Variants in MYLK observed in about 807,000 individuals in gnomAD.
MYLK encodes the protein myosin light chain kinase, also known as myosin light chain kinase, smooth muscle.
A neutral mutation model predicts 203.4 loss-of-function variants in MYLK; 106 were observed. That is an observed-to-expected ratio of 0.52 (90% CI 0.45 to 0.61). The LOEUF (loss-of-function observed/expected upper bound fraction) is 0.61. MYLK is among the 20% of genes least tolerant of loss of function. The probability of loss-of-function intolerance (pLI) is 0.00; values close to 1 mark genes in which losing one functional copy is unlikely to be tolerated. For missense variants in MYLK, 2,072 were observed against 2,442.3 expected, an observed-to-expected ratio of 0.85 and a Z score of 3.20; for synonymous variants, 867 against 959.5, an observed-to-expected ratio of 0.90 and a Z score of 1.78.
intron 4 of MYLK, among the ~76,000 whole-genome samples, chr3:123,773,720 C>T (rs1300725118): frequency 6.6e-6 from 1 of 152,206 alleles, no homozygotes; most frequent in Non-Finnish European, 1.5e-5. Flanking sequence ...GTGCTTTGAA[C>T]AGTATCCTCA....
intron 7 of MYLK, among the ~76,000 whole-genome samples, chr3:123,738,536 A>G (rs1576799006): frequency 6.6e-6 from 1 of 152,286 alleles, no homozygotes; most frequent in Admixed American, 6.5e-5. Context: ...CCCAAATCTC[A>G]TCTTGAAATG....
At position 123,626,833 on chromosome 3, in the gene MYLK, T is replaced by C. The variant is rs537718080; in HGVS notation, c.5223A>G (p.Ala1741=). ...LSKDRMKKYM[A]RRKWQKTGNA... ...CTCTCATTACCTGCCATTTCCTTCT[T>C]GCCATGTACTTCTTCATCCGGTCCT... The change falls in exon 31 of 34, where the codon GCA becomes GCG. Residue 1741 remains alanine (A), a synonymous_variant. Transcript: ENST00000360304. The C allele has an allele frequency of 6.2e-7, 1 of 1,614,232 alleles. No individual in the cohort carries two copies. Among genetic ancestry groups the C allele is most frequent in the East Asian group, 2.2e-5 (1 of 44,890 alleles).
At chr3:123,694,639 T>C (rs2060832942) in intron 18 of MYLK, among the ~76,000 whole-genome samples, 1 of 152,180 alleles carries the variant, frequency 6.6e-6, no homozygotes, top group Non-Finnish European at 1.5e-5. Flanking sequence ...TTTCAGTCCC[T>C]CAGCTGCCTT....
chr3:123,708,304 A>C (rs1174267833), intron 15 of MYLK, among the ~76,000 whole-genome samples: 7 of 152,216 alleles, frequency 4.6e-5, no homozygotes, highest in African/African-American at 1.4e-4. Flanking sequence ...TGTGATTAAG[A>C]GTTGTCACTC....
At chr3:123,718,062 G>A (rs909966105) in intron 13 of MYLK, among the ~76,000 whole-genome samples, 62 of 152,010 alleles carry the variant, frequency 4.1e-4, no homozygotes, top group East Asian at 1.6e-3. Flanking sequence ...GTGTGTTGCC[G>A]TGTTGCCCAA....
At chr3:123,761,469 A>G (rs2063531799) in intron 4 of MYLK, among the ~76,000 whole-genome samples, 2 of 152,176 alleles carry the variant, frequency 1.3e-5, no homozygotes. Flanking sequence ...CTATGAAAGC[A>G]GGATCTTTTA....
At chr3:123,836,711 G>C (rs1478137945) in intron 2 of MYLK, among the ~76,000 whole-genome samples, 1 of 152,128 alleles carries the variant, frequency 6.6e-6, no homozygotes, top group Non-Finnish European at 1.5e-5. Flanking sequence ...AACAGAAGGA[G>C]GTAATATGGA....
chr3:123,786,343 A>G (rs1424083864), intron 4 of MYLK, among the ~76,000 whole-genome samples: 3 of 151,648 alleles, frequency 2.0e-5, no homozygotes, highest in Non-Finnish European at 4.4e-5. Flanking sequence ...TGAGTCTCAT[A>G]TATATATAAA....
intron 2 of MYLK, among the ~76,000 whole-genome samples, chr3:123,850,841 T>C (rs915028802): frequency 2.3e-4 from 35 of 152,218 alleles, no homozygotes; most frequent in African/African-American, 8.0e-4. Flanking sequence ...CTGAATGGTA[T>C]TGCCTAGGTT....
chr3:123,781,689 C>T (rs932100407), intron 4 of MYLK, among the ~76,000 whole-genome samples: 6 of 152,048 alleles, frequency 3.9e-5, no homozygotes, highest in South Asian at 2.1e-4. Flanking sequence ...ATGGGAGCAA[C>T]GGTCAAGATG....
chr3:123,641,962 C>G (rs2058853543), intron 27 of MYLK, among the ~76,000 whole-genome samples: 1 of 151,414 alleles, frequency 6.6e-6, no homozygotes, highest in Non-Finnish European at 1.5e-5. Flanking sequence ...TCAAGCGATC[C>G]TCTTGCCTCA....
At chr3:123,733,204 T>G in intron 10 of MYLK, 102 bp from the exon 11 acceptor site, 1 of 1,321,862 alleles carries the variant, frequency 7.6e-7, no homozygotes, top group Admixed American at 2.0e-5. Flanking sequence ...AGGGCTCAGT[T>G]TGGTGTGGAG....
At position 123,719,759 on chromosome 3, in the gene MYLK, C is replaced by T. The variant is rs575818533; in HGVS notation, c.1804+2369G>A. Among the ~76,000 whole-genome samples, 9 of 152,348 alleles carry T rather than the reference C, an allele frequency of 5.9e-5. No homozygotes were observed. The East Asian group carries it at 1.7e-3, about 29-fold the overall frequency. On this transcript the variant is annotated intron_variant, in intron 13 of 33. Coordinates refer to ENST00000360304, the MANE Select transcript of MYLK (RefSeq NM_053025.4). ...CACTAAGGGCAAGAGAGGGCTGGAC[C>T]TGGACAGCTAAGGGAGGGGTGAAGC...
chr3:123,674,913 A>G (rs2060025499), intron 20 of MYLK, among the ~76,000 whole-genome samples: 1 of 152,252 alleles, frequency 6.6e-6, no homozygotes, highest in Non-Finnish European at 1.5e-5. Context: ...TGTCCCCAAC[A>G]TGGACACACC....
rs1283457393 is a variant in MYLK at position 123,733,757 on chromosome 3, G to A, written c.1239C>T (p.Phe413=). The A allele has an allele frequency of 1.2e-6, 2 of 1,614,198 alleles. No homozygotes were observed. The highest frequency in any genetic ancestry group is 1.7e-6 in the Non-Finnish European group (2 of 1,180,050). Residue 413 remains phenylalanine (F), a synonymous_variant, in exon 10 of 34, where the codon TTC becomes TTT. Coordinates refer to ENST00000360304, the MANE Select transcript of MYLK (RefSeq NM_053025.4). The part of the protein sequence containing the change: ...IPMEGQRDSA[F]PKFESKPQSQ... ...TTTGGGGCTTGCTCTCAAATTTGGGGAATGCTGAATCCCTCTGGCCCTCCA... is the reference window on the plus strand; with the variant it reads ...TTTGGGGCTTGCTCTCAAATTTGGGAAATGCTGAATCCCTCTGGCCCTCCA...
chr3:123,687,295 A>C (rs368068164), intron 19 of MYLK, among the ~76,000 whole-genome samples: 11 of 152,284 alleles, frequency 7.2e-5, no homozygotes, highest in Admixed American at 5.2e-4. Flanking sequence ...CCAAGAAAGG[A>C]GGGGTGGATC....
intron 33 of MYLK, among the ~76,000 whole-genome samples, chr3:123,616,153 A>G (rs932716946): frequency 2.6e-5 from 4 of 152,342 alleles, no homozygotes; most frequent in African/African-American, 7.2e-5. Context: ...AATAAAGCTA[A>G]TAACAGCTAT....
intron 4 of MYLK, among the ~76,000 whole-genome samples, chr3:123,783,054 A>G (rs768897067): frequency 1.3e-5 from 2 of 151,804 alleles, no homozygotes; most frequent in African/African-American, 2.4e-5. Context: ...TGATTATGTA[A>G]TATTTGCCAC....
intron 6 of MYLK, 107 bp downstream of exon 6, chr3:123,739,846 G>A (rs55956729): frequency 0.12 from 151,414 of 1,225,122 alleles, 10,545 homozygotes; most frequent in Non-Finnish European, 0.15. Flanking sequence ...CCCGCCCTTT[G>A]GTTATTATAA....
Sources: allele counts gnomAD v4.1 joint callset (sites outside exome capture counted in the v4.1 genomes callset), GRCh38; gene constraint gnomAD v4.1.1; transcripts MANE v1.5; gene names NCBI Gene and HGNC (gene_info 2026-07-23, HGNC 2026-07-21).